CNTN6: variants seen among roughly 807,000 people sequenced by gnomAD.
The protein encoded by CNTN6 is contactin 6.
In CNTN6, 137 loss-of-function variants were observed where a neutral mutation model predicts 122.8. That is an observed-to-expected ratio of 1.12 (90% CI 0.97 to 1.29). The LOEUF (loss-of-function observed/expected upper bound fraction) is 1.29. Among genes scored for constraint, CNTN6 ranks in the 50% most tolerant of loss-of-function variants. The pLI is 0.00. For synonymous variants in CNTN6, 570 were observed against 426.0 expected (o/e 1.34, Z -4.16); for missense variants, 1,634 against 1,223.4 (o/e 1.34, Z -5.01).
intron 20 of CNTN6, among the ~76,000 whole-genome samples, chr3:1,391,638 T>TTGTA (rs1560020575): frequency 6.9e-6 from 1 of 145,690 alleles, no homozygotes; most frequent in African/African-American, 2.5e-5. Context: ...GATGAGATGA[T>TTGTA]TGTATATCTA....
intron 2 of CNTN6, among the ~76,000 whole-genome samples, chr3:1,169,372 TCAG>T (rs2093319457): frequency 6.6e-6 from 1 of 152,236 alleles, no homozygotes; most frequent in African/African-American, 2.4e-5. Flanking sequence ...ACCGCCTTCC[TCAG>T]CTCTGTCTTC....
intron 2 of CNTN6, among the ~76,000 whole-genome samples, chr3:1,153,972 A>G (rs1204482494): frequency 6.6e-6 from 1 of 152,174 alleles, no homozygotes; most frequent in African/African-American, 2.4e-5. Context: ...TATTGTTAGC[A>G]TAATAGCACC....
intron 2 of CNTN6, among the ~76,000 whole-genome samples, chr3:1,183,161 A>G (rs1278965784): frequency 6.6e-6 from 1 of 152,186 alleles, no homozygotes; most frequent in Admixed American, 6.6e-5. Context: ...CTGAATTCCT[A>G]TTGAAATTTA....
At chr3:1,310,118 C>G (rs383381) in intron 7 of CNTN6, among the ~76,000 whole-genome samples, 6,503 of 151,040 alleles carry the variant, frequency 0.043, 183 homozygotes, top group South Asian at 0.058. Flanking sequence ...TTTGCCTTTT[C>G]TTGTATTATT....
At chr3:1,300,573 G>GA (rs72571146) in intron 7 of CNTN6, among the ~76,000 whole-genome samples, 15 of 45,648 alleles carry the variant, frequency 3.3e-4, no homozygotes, top group South Asian at 9.0e-4. Context: ...AAGAAAGAAA[G>GA]AAAGAAAGAA....
chr3:1,364,998 G>A (rs1708007196), intron 12 of CNTN6, among the ~76,000 whole-genome samples: 1 of 151,884 alleles, frequency 6.6e-6, no homozygotes, highest in Non-Finnish European at 1.5e-5. Context: ...TTCAAAAAGT[G>A]GCTAGTTCTT....
At chr3:1,158,814 A>ATGTGTGTG (rs1559421615) in intron 2 of CNTN6, among the ~76,000 whole-genome samples, 1 of 49,746 alleles carries the variant, frequency 2.0e-5, no homozygotes, top group South Asian at 5.9e-4. Flanking sequence ...ACACATATAT[A>ATGTGTGTG]TACACACACA....
chr3:1,352,229 C>G, intron 11 of CNTN6, 95 bp from the exon 12 acceptor site: 1 of 1,119,650 alleles, frequency 8.9e-7, no homozygotes, highest in Non-Finnish European at 1.2e-6. Flanking sequence ...CACATACACC[C>G]ATGATTTTAG....
intron 2 of CNTN6, among the ~76,000 whole-genome samples, chr3:1,214,230 TA>T (rs1350206299): frequency 1.3e-5 from 2 of 151,828 alleles, no homozygotes; most frequent in African/African-American, 2.4e-5. Flanking sequence ...AATCATCTGT[TA>T]TTTTTCATAT....
At chr3:1,283,352 C>T (rs1481081240) in intron 5 of CNTN6, among the ~76,000 whole-genome samples, 1 of 152,136 alleles carries the variant, frequency 6.6e-6, no homozygotes, top group East Asian at 1.9e-4. Flanking sequence ...GAGGTCTTTC[C>T]ACCATGGATT....
At chr3:1,355,989 CA>C (rs1258303629) in intron 12 of CNTN6, among the ~76,000 whole-genome samples, 1 of 151,744 alleles carries the variant, frequency 6.6e-6, no homozygotes, top group Non-Finnish European at 1.5e-5. Context: ...GTGCAATTAG[CA>C]GCAGCTTTTC....
chr3:1,133,623 A>T (rs2092395734), intron 1 of CNTN6, among the ~76,000 whole-genome samples: 1 of 151,628 alleles, frequency 6.6e-6, no homozygotes, highest in South Asian at 2.1e-4. Context: ...GCGCTCATGG[A>T]GCCAGTCAGT....
intron 7 of CNTN6, among the ~76,000 whole-genome samples, chr3:1,316,537 C>T (rs1318737014): frequency 1.3e-5 from 2 of 151,716 alleles, no homozygotes; most frequent in African/African-American, 2.4e-5. Flanking sequence ...ATCCAGTCAC[C>T]TCCCACCAGA....
At chr3:1,200,302 A>G (rs1408594972) in intron 2 of CNTN6, among the ~76,000 whole-genome samples, 4 of 152,186 alleles carry the variant, frequency 2.6e-5, no homozygotes, top group African/African-American at 7.2e-5. Flanking sequence ...CCAAACTGCC[A>G]GGACTACAGG....
At chr3:1,346,157 T>G (rs1036454096) in intron 11 of CNTN6, among the ~76,000 whole-genome samples, 4 of 152,122 alleles carry the variant, frequency 2.6e-5, no homozygotes, top group African/African-American at 7.2e-5. Context: ...AAATTAAGGA[T>G]TGGGTAGATA....
chr3:1,378,391 CTG>C (rs1171104548), intron 17 of CNTN6, among the ~76,000 whole-genome samples: 1 of 152,156 alleles, frequency 6.6e-6, no homozygotes, highest in Non-Finnish European at 1.5e-5. Flanking sequence ...TGAGAGATAA[CTG>C]GGAACCAGAG....
intron 4 of CNTN6, among the ~76,000 whole-genome samples, chr3:1,263,221 C>T (rs9832363): frequency 0.017 from 2,530 of 152,250 alleles, 61 homozygotes; most frequent in African/African-American, 0.054. Flanking sequence ...TTAAATGTCT[C>T]ACAGCTTATA....
At position 1,148,424 on chromosome 3, in the gene CNTN6, A is replaced by G. The variant is rs1024068626; in HGVS notation, c.55+361A>G. ...GTGAATAATTATTCTTATTTTCATTATAGTGAAGTCTTTAAAAAATTAAAA... is the reference window on the plus strand; with the variant it reads ...GTGAATAATTATTCTTATTTTCATTGTAGTGAAGTCTTTAAAAAATTAAAA... On this transcript the variant is annotated intron_variant, in intron 2 of 22. Coordinates refer to ENST00000446702, the MANE Select transcript of CNTN6 (RefSeq NM_001289080.2). 2.6e-5 allele frequency among the ~76,000 whole-genome samples: 4 copies of G among 151,672 alleles called. No individual in the cohort carries two copies. In the East Asian group the frequency reaches 5.8e-4, roughly 22 times the overall value.
At chr3:1,104,386 A>G (rs2091114439) in intron 1 of CNTN6, among the ~76,000 whole-genome samples, 2 of 152,262 alleles carry the variant, frequency 1.3e-5, no homozygotes, top group Middle Eastern at 3.4e-3. Flanking sequence ...TTTTCAGAGG[A>G]TTAACAAAAA....
Sources: gnomAD v4.1 joint callset for allele counts (sites outside exome capture counted in the v4.1 genomes callset) on GRCh38, gnomAD v4.1.1 for gene constraint, MANE v1.5 for transcripts, NCBI Gene and HGNC (gene_info 2026-07-23, HGNC 2026-07-21) for gene names.